HEATR5A: variants seen among roughly 807,000 people sequenced by gnomAD.
The protein encoded by HEATR5A is HEAT repeat containing 5A, also known as HEAT repeat-containing protein 5A.
A neutral mutation model predicts 218.8 loss-of-function variants in HEATR5A; 178 were observed. The observed-to-expected ratio is 0.81, with a 90% CI of 0.72 to 0.92. The LOEUF is 0.92. Ranked by LOEUF, HEATR5A falls within the 40% of genes least tolerant of loss-of-function variation. The probability of loss-of-function intolerance (pLI) is 0.00; values close to 1 mark genes in which losing one functional copy is unlikely to be tolerated. For missense variants in HEATR5A, 2,420 were observed against 2,418.9 expected, an observed-to-expected ratio of 1.00 and a Z score of -0.01; for synonymous variants, 864 against 871.6, an observed-to-expected ratio of 0.99 and a Z score of 0.15.
chr14:31,340,170 C>T (rs1042863757), intron 21 of HEATR5A, among the ~76,000 whole-genome samples: 2 of 152,120 alleles, frequency 1.3e-5, no homozygotes, highest in Non-Finnish European at 2.9e-5. Flanking sequence ...TTAAATTAAA[C>T]TGTAACTACA....
Position 31,304,891 on chromosome 14 carries a change from A to G in HEATR5A, c.5239+14T>C. 6.2e-7 allele frequency: 1 copy of G among 1,611,280 alleles called. No individual in the cohort carries two copies. The highest frequency in any genetic ancestry group is 8.5e-7 in the Non-Finnish European group (1 of 1,179,192). The stretch of plus-strand genomic sequence containing the variant: ...CTTCTAGGTCAAGTCAAGCAATCAC[A>G]TACCACAGCATACCTTCAGGAGAGC... On this transcript the variant is annotated intron_variant, in intron 32 of 35. Coordinates refer to ENST00000543095, the MANE Select transcript of HEATR5A (RefSeq NM_015473.4).
intron 11 of HEATR5A, 140 bp from the exon 12 acceptor site, chr14:31,375,108 C>T: frequency 4.3e-6 from 3 of 703,994 alleles, no homozygotes; most frequent in Non-Finnish European, 4.6e-6. Flanking sequence ...TCTTCAGGTT[C>T]CAAATTATTA....
intron 1 of HEATR5A, among the ~76,000 whole-genome samples, chr14:31,417,701 G>T (rs1204842632): frequency 1.3e-5 from 2 of 151,156 alleles, no homozygotes; most frequent in East Asian, 3.9e-4. Flanking sequence ...AGTGAGCCTA[G>T]ATGGCGCTAC....
intron 21 of HEATR5A, among the ~76,000 whole-genome samples, 174 bp downstream of exon 21, chr14:31,343,722 T>C (rs1900918482): frequency 1.3e-5 from 2 of 152,152 alleles, no homozygotes; most frequent in Non-Finnish European, 2.9e-5. Flanking sequence ...ACTTAGGAGC[T>C]GATTGCATGA....
intron 11 of HEATR5A, among the ~76,000 whole-genome samples, chr14:31,375,841 CAAT>C (rs1474795601): frequency 6.6e-6 from 1 of 152,118 alleles, no homozygotes; most frequent in Non-Finnish European, 1.5e-5. Context: ...GACACAAACC[CAAT>C]AATAATACAA....
chr14:31,342,923 A>C (rs1900885222), intron 21 of HEATR5A, among the ~76,000 whole-genome samples: 1 of 152,148 alleles, frequency 6.6e-6, no homozygotes, highest in South Asian at 2.1e-4. Context: ...AAGCTTGAAA[A>C]TGAAAGGTCT....
rs1052197040 is a variant in HEATR5A, at chr14:31,309,112, G to T, written c.4512C>A (p.Ile1504=). ...KLHYYNSWAL[I]LHATALWLTS... ...TAAGCCACAATGCTGTAGCATGGAG[G>T]ATAAGTGCCCAGGAGTTGTAATAAT... Residue 1504 remains isoleucine, a synonymous_variant, in exon 29 of 36, where the codon ATC becomes ATA. Coordinates refer to ENST00000543095, the MANE Select transcript of HEATR5A (RefSeq NM_015473.4). 6.2e-7 allele frequency: 1 copy of T among 1,613,954 alleles called. No individual in the cohort carries two copies. The highest frequency in any genetic ancestry group is 1.3e-5 in the African/African-American group (1 of 75,034).
Position 31,306,731 on chromosome 14 carries a change from C to T in HEATR5A, c.4966+1G>A. The T allele has an allele frequency of 1.2e-6, 2 of 1,607,462 alleles. No individual in the cohort carries two copies. Among genetic ancestry groups the T allele is most frequent in the Non-Finnish European group, 1.7e-6 (2 of 1,176,252 alleles). On this transcript the variant is annotated splice_donor_variant, in intron 31 of 35. Transcript: ENST00000543095. LOFTEE classifies it high-confidence loss of function. ...ACTCGGCATTAAAGGTTAACATTTA[C>T]CTTCTGCACTTCGTCTTTTTTCCTT...
In HEATR5A at chr14:31,398,670, T is replaced by A. The variant is rs762944454; in HGVS notation, c.447+3A>T. 2 of 1,427,022 alleles carry A rather than the reference T, an allele frequency of 1.4e-6. No individual in the cohort carries two copies. Among genetic ancestry groups the A allele is most frequent in the Admixed American group, 4.0e-5 (2 of 49,442 alleles). The allele number at this position is 1,427,022 out of a possible 1,614,324, so 88.4% of individuals were successfully genotyped here. On this transcript the variant is annotated splice_donor_region_variant and intron_variant, in intron 4 of 35. Coordinates refer to ENST00000543095, the MANE Select transcript of HEATR5A (RefSeq NM_015473.4). ...TTCTTTGGCTGAACTTGTAATTACT[T>A]ACCTCTGCACTCTTCATAGCTTTAA...
chr14:31,388,252 A>C (rs2030311887), intron 7 of HEATR5A, among the ~76,000 whole-genome samples: 1 of 152,214 alleles, frequency 6.6e-6, no homozygotes, highest in Admixed American at 6.5e-5. Flanking sequence ...CAAAGACAAT[A>C]TATGTGAATT....
intron 1 of HEATR5A, among the ~76,000 whole-genome samples, chr14:31,417,310 A>G (rs1463992234): frequency 6.6e-6 from 1 of 152,214 alleles, no homozygotes; most frequent in Non-Finnish European, 1.5e-5. Context: ...CTGTAATCTC[A>G]GCACTTTGGG....
At chr14:31,312,821 C>T (rs2139150351) in intron 28 of HEATR5A, 147 bp downstream of exon 28, 1 of 639,730 alleles carries the variant, frequency 1.6e-6, no homozygotes, top group East Asian at 2.8e-5. Context: ...TCGCCTGAGC[C>T]CAGGAGGCAG....
At chr14:31,376,136 C>A (rs1242984168) in intron 11 of HEATR5A, among the ~76,000 whole-genome samples, 1 of 152,140 alleles carries the variant, frequency 6.6e-6, no homozygotes, top group Non-Finnish European at 1.5e-5. Context: ...CCTTTTTCTG[C>A]CTCAATTTCT....
At chr14:31,388,220 G>A (rs2030310549) in intron 7 of HEATR5A, among the ~76,000 whole-genome samples, 1 of 152,016 alleles carries the variant, frequency 6.6e-6, no homozygotes, top group Non-Finnish European at 1.5e-5. Context: ...ATATTTTCAT[G>A]GAGACTATAT....
At chr14:31,388,219 T>G (rs1316472794) in intron 7 of HEATR5A, among the ~76,000 whole-genome samples, 2 of 152,150 alleles carry the variant, frequency 1.3e-5, no homozygotes, top group Non-Finnish European at 2.9e-5. Context: ...CATATTTTCA[T>G]GGAGACTATA....
rs1304021161 is a variant in HEATR5A, at chr14:31,323,592, G to A, written c.3760C>T (p.Gln1254Ter). 3 of 1,605,638 alleles carry A rather than the reference G, an allele frequency of 1.9e-6. No homozygotes were observed. Among genetic ancestry groups the A allele is most frequent in the South Asian group, 1.1e-5 (1 of 89,962 alleles). The change falls in exon 24 of 36, where the codon CAA (glutamine) becomes TAA (stop). Residue 1254 changes from glutamine to a stop codon, truncating the protein, a stop_gained. Transcript: ENST00000543095. LOFTEE classifies it high-confidence loss of function. ...NSAHFDIALA[Q>*]EMKKRDSRND... Reference sequence around the variant, plus strand: ...CTTGAATCTCTTTTTTTCATTTCTTGTGCTAAAGCAATGTCAAAATGTGCA... The same window carrying A: ...CTTGAATCTCTTTTTTTCATTTCTTATGCTAAAGCAATGTCAAAATGTGCA...
chr14:31,388,394 G>A (rs1320437768), intron 7 of HEATR5A, among the ~76,000 whole-genome samples: 7 of 152,134 alleles, frequency 4.6e-5, no homozygotes, highest in Non-Finnish European at 5.9e-5. Context: ...TTTAAAACTC[G>A]TTTAGGATGA....
chr14:31,293,471 G>A lies in HEATR5A; in HGVS notation c.5975C>T (p.Ser1992Leu), dbSNP rs554145352. The A allele has an allele frequency of 1.5e-5, 24 of 1,613,926 alleles. No homozygotes were observed. The South Asian group carries it at 2.0e-4, about 13-fold the overall frequency. Residue 1992 changes from serine to leucine, a missense_variant, in exon 36 of 36, where the codon TCA becomes TTA. Coordinates refer to ENST00000543095, the MANE Select transcript of HEATR5A (RefSeq NM_015473.4). ...QNLMQIGPQY[S>L]SVFKSLVASS... ...AGCCACTAAACTTTTAAAAACAGAT[G>A]AATACTGAGGTCCAATTTGCATGAG...
At chr14:31,296,827 T>C (rs1445173320) in intron 33 of HEATR5A, 1 of 152,242 alleles carries the variant, frequency 6.6e-6, no homozygotes, top group East Asian at 1.9e-4. Flanking sequence ...TTGATACTTA[T>C]GAAGAAATGA....
Sources: allele counts gnomAD v4.1 joint callset (sites outside exome capture counted in the v4.1 genomes callset), GRCh38; gene constraint gnomAD v4.1.1; transcripts MANE v1.5; gene names NCBI Gene and HGNC (gene_info 2026-07-23, HGNC 2026-07-21).